PRKCA: variants seen among roughly 807,000 people sequenced by gnomAD.
The protein encoded by PRKCA is protein kinase C alpha type.
A neutral mutation model predicts 87.0 loss-of-function variants in PRKCA; 27 were observed. The observed-to-expected ratio is 0.31, with a 90% CI of 0.23 to 0.43. PRKCA has a LOEUF of 0.43. Ranked by LOEUF, PRKCA falls within the 20% of genes least tolerant of loss-of-function variation. PRKCA has a pLI of 1.00. For missense variants in PRKCA, 518 were observed against 852.3 expected, an observed-to-expected ratio of 0.61 and a Z score of 4.88; for synonymous variants, 329 against 311.1, an observed-to-expected ratio of 1.06 and a Z score of -0.61.
At chr17:66,698,466 TAG>T (rs1972982792) in intron 8 of PRKCA, among the ~76,000 whole-genome samples, 1 of 152,064 alleles carries the variant, frequency 6.6e-6, no homozygotes, top group South Asian at 2.1e-4. Context: ...GAAAATTCAA[TAG>T]AGAGTGACAA....
intron 2 of PRKCA, among the ~76,000 whole-genome samples, chr17:66,464,980 T>C (rs1915020369): frequency 6.6e-6 from 1 of 152,224 alleles, no homozygotes; most frequent in East Asian, 1.9e-4. Context: ...TTTGTTATTT[T>C]GTAGAGTTTT....
At chr17:66,460,965 G>T (rs1290688647) in intron 2 of PRKCA, among the ~76,000 whole-genome samples, 1 of 152,140 alleles carries the variant, frequency 6.6e-6, no homozygotes, top group Non-Finnish European at 1.5e-5. Context: ...CAGCACTTTG[G>T]GAGGTTGAGG....
chr17:66,369,676 G>A (rs1410516906), intron 2 of PRKCA, among the ~76,000 whole-genome samples: 2 of 152,164 alleles, frequency 1.3e-5, no homozygotes, highest in Non-Finnish European at 2.9e-5. Context: ...TTCACTATTG[G>A]ATCTGGCTCT....
chr17:66,454,590 A>T lies in PRKCA; in HGVS notation c.206-41611A>T, dbSNP rs975565049. Reference sequence around the variant, plus strand: ...ATGTGTCTGGGGAGGCCTCACAATCATGGCGGAAGGTGAAAGGCACATCCA... The same window carrying T: ...ATGTGTCTGGGGAGGCCTCACAATCTTGGCGGAAGGTGAAAGGCACATCCA... On this transcript the variant is annotated intron_variant, in intron 2 of 16. Transcript: ENST00000413366. Among the ~76,000 whole-genome samples, 3 of 152,194 alleles carry T rather than the reference A, an allele frequency of 2.0e-5. No individual in the cohort carries two copies. The East Asian group carries it at 5.8e-4, about 29-fold the overall frequency.
chr17:66,342,502 A>C (rs1276831596), intron 2 of PRKCA, among the ~76,000 whole-genome samples: 1 of 150,156 alleles, frequency 6.7e-6, no homozygotes, highest in Admixed American at 6.7e-5. Context: ...AGATGGAGAA[A>C]ACTTTGGGAG....
At chr17:66,633,528 T>C (rs1413482743) in intron 3 of PRKCA, among the ~76,000 whole-genome samples, 1 of 152,150 alleles carries the variant, frequency 6.6e-6, no homozygotes, top group Non-Finnish European at 1.5e-5. Context: ...GGGAGCAGCT[T>C]CAAGGAGGCA....
intron 13 of PRKCA, among the ~76,000 whole-genome samples, chr17:66,747,961 A>G (rs1974337428): frequency 6.6e-6 from 1 of 152,192 alleles, no homozygotes; most frequent in Admixed American, 6.5e-5. Flanking sequence ...GAGAGCTGGG[A>G]GGAGGGCCTT....
chr17:66,429,535 A>G (rs894184479), intron 2 of PRKCA, among the ~76,000 whole-genome samples: 4 of 152,188 alleles, frequency 2.6e-5, no homozygotes, highest in African/African-American at 4.8e-5. Context: ...TTGCATGTAC[A>G]TTGCATGGAA....
At position 66,336,747 on chromosome 17, in the gene PRKCA, A is replaced by G. The variant is rs546041071; in HGVS notation, c.205+30620A>G. Among the ~76,000 whole-genome samples, 329 of 142,994 alleles carry G rather than the reference A, an allele frequency of 2.3e-3. 1 individual carries two copies. The highest frequency in any genetic ancestry group is 8.4e-3 in the African/African-American group (322 of 38,424). The allele number at this position is 142,994 out of a possible 152,430, so 93.8% of individuals were successfully genotyped here. A position where few individuals can be genotyped will look rare whatever the true frequency, so the allele number is the denominator to read the frequency against. On this transcript the variant is annotated intron_variant, in intron 2 of 16. Coordinates refer to ENST00000413366, the MANE Select transcript of PRKCA (RefSeq NM_002737.3). ...ATTCGCCACATCCTGAACCCCTGCA[A>G]ATAAGTTTGTGTGTGTGTGTGTGTG...
At chr17:66,324,447 CAAAAAAAAAA>C (rs61047065) in intron 2 of PRKCA, among the ~76,000 whole-genome samples, 1 of 90,662 alleles carries the variant, frequency 1.1e-5, no homozygotes. Context: ...ACTAAAAATA[CAAAAAAAAAA>C]AAAAAAAAAG....
chr17:66,429,375 A>T (rs995165813), intron 2 of PRKCA, among the ~76,000 whole-genome samples: 3 of 152,162 alleles, frequency 2.0e-5, no homozygotes, highest in African/African-American at 7.2e-5. Context: ...CTTTCTTTTC[A>T]TGATGGGTTT....
intron 8 of PRKCA, among the ~76,000 whole-genome samples, chr17:66,702,236 T>C (rs901273591): frequency 6.6e-6 from 1 of 152,104 alleles, no homozygotes; most frequent in Non-Finnish European, 1.5e-5. Flanking sequence ...GTATATATAA[T>C]TGAGTCTTTA....
At chr17:66,421,428 G>GTTTTTTTTTTTTTT (rs55825622) in intron 2 of PRKCA, among the ~76,000 whole-genome samples, 3 of 116,906 alleles carry the variant, frequency 2.6e-5, no homozygotes, top group African/African-American at 3.0e-5. Flanking sequence ...CACAGCCTCT[G>GTTTTTTTTTTTTTT]TTTTTTTTTT....
At chr17:66,802,013 G>T (rs141829547) in intron 16 of PRKCA, among the ~76,000 whole-genome samples, 9 of 152,292 alleles carry the variant, frequency 5.9e-5, no homozygotes, top group African/African-American at 2.2e-4. Context: ...TTGAGCCCAG[G>T]AGTTCGAGAC....
chr17:66,465,016 AT>A (rs1915023369), intron 2 of PRKCA, among the ~76,000 whole-genome samples: 1 of 152,122 alleles, frequency 6.6e-6, no homozygotes, highest in African/African-American at 2.4e-5. Context: ...GGTTTTTTTA[AT>A]TAAATACAAA....
chr17:66,452,988 T>C (rs2143929739), intron 2 of PRKCA, among the ~76,000 whole-genome samples: 1 of 152,386 alleles, frequency 6.6e-6, no homozygotes, highest in Non-Finnish European at 1.5e-5. Context: ...CGAGATGTGC[T>C]GTGTGTCACA....
intron 3 of PRKCA, among the ~76,000 whole-genome samples, chr17:66,579,477 G>A (rs570142373): frequency 5.3e-5 from 8 of 152,328 alleles, no homozygotes; most frequent in African/African-American, 1.7e-4. Flanking sequence ...TCAGGCACGG[G>A]TCTGTGTTAC....
chr17:66,525,702 T>C (rs1244083568), intron 3 of PRKCA, among the ~76,000 whole-genome samples: 2 of 152,210 alleles, frequency 1.3e-5, no homozygotes, highest in African/African-American at 4.8e-5. Context: ...CTGACACTTA[T>C]TTCTTTCCTA....
intron 3 of PRKCA, among the ~76,000 whole-genome samples, chr17:66,575,065 G>A (rs1262339095): frequency 3.3e-5 from 5 of 152,082 alleles, no homozygotes; most frequent in Admixed American, 3.3e-4. Context: ...CACCACTCTG[G>A]TACTTTAGGG....
Sources: gnomAD v4.1 joint callset for allele counts (sites outside exome capture counted in the v4.1 genomes callset) on GRCh38, gnomAD v4.1.1 for gene constraint, MANE v1.5 for transcripts, NCBI Gene and HGNC (gene_info 2026-07-23, HGNC 2026-07-21) for gene names.